The following SLC35F1 variants were observed in gnomAD, a reference collection of about 807,000 sequenced individuals.
SLC35F1 encodes the protein chromosome 6 open reading frame 169.
In SLC35F1, 14 loss-of-function variants were observed where a neutral mutation model predicts 48.7. The observed-to-expected ratio is 0.29, with a 90% CI of 0.19 to 0.45. SLC35F1 has a LOEUF of 0.45. Among genes scored for constraint, SLC35F1 ranks in the 20% least tolerant of loss-of-function variants. The probability of loss-of-function intolerance (pLI) is 1.00; values close to 1 mark genes in which losing one functional copy is unlikely to be tolerated. For synonymous variants in SLC35F1, 190 were observed against 202.2 expected (o/e 0.94, Z 0.51); for missense variants, 404 against 500.0 (o/e 0.81, Z 1.83).
chr6:117,924,447 CAT>C (rs1775994144), intron 1 of SLC35F1, among the ~76,000 whole-genome samples: 1 of 101,476 alleles, frequency 9.9e-6, no homozygotes, highest in African/African-American at 4.5e-5. Context: ...CATATATACA[CAT>C]ACCTATATGT....
intron 1 of SLC35F1, among the ~76,000 whole-genome samples, chr6:118,080,789 G>A (rs1772896403): frequency 6.6e-6 from 1 of 152,162 alleles, no homozygotes; most frequent in African/African-American, 2.4e-5. Context: ...GGGAAACAAG[G>A]AGTTATCCTG....
At chr6:117,955,651 A>G (rs1776418714) in intron 1 of SLC35F1, among the ~76,000 whole-genome samples, 2 of 152,226 alleles carry the variant, frequency 1.3e-5, no homozygotes, top group Non-Finnish European at 2.9e-5. Context: ...CAAGGTGAAG[A>G]AAATAAGTTA....
chr6:118,069,921 G>T (rs1423382268), intron 1 of SLC35F1, among the ~76,000 whole-genome samples: 2 of 151,514 alleles, frequency 1.3e-5, no homozygotes, highest in Non-Finnish European at 2.9e-5. Context: ...TGGATCATGA[G>T]GTCAGGAGAT....
At chr6:118,297,764 T>C (rs1302591568) in intron 7 of SLC35F1, among the ~76,000 whole-genome samples, 1 of 142,742 alleles carries the variant, frequency 7.0e-6, no homozygotes, top group Admixed American at 7.1e-5. Context: ...AATATATATA[T>C]AATATATATA....
chr6:118,066,974 G>A (rs550889418), intron 1 of SLC35F1, among the ~76,000 whole-genome samples: 16 of 152,174 alleles, frequency 1.1e-4, no homozygotes, highest in African/African-American at 3.6e-4. Flanking sequence ...AGCACCATAG[G>A]TACCATAGGT....
At chr6:117,946,328 T>G (rs949364044) in intron 1 of SLC35F1, among the ~76,000 whole-genome samples, 3 of 152,198 alleles carry the variant, frequency 2.0e-5, no homozygotes, top group African/African-American at 7.2e-5. Context: ...ATCTGCAAAT[T>G]GCCAATCAAA....
In SLC35F1 at chr6:118,275,513, G is replaced by T; in HGVS notation, c.692G>T (p.Gly231Val). 6.2e-7 allele frequency: 1 copy of T among 1,613,948 alleles called. No individual in the cohort carries two copies. Among genetic ancestry groups the T allele is most frequent in the Non-Finnish European group, 8.5e-7 (1 of 1,179,940 alleles). The stretch of plus-strand genomic sequence containing the variant: ...GTCTTAGGAGGAGCCACACTCTATG[G>T]TATTTCTAACGTCTGGGAAGAATAC... ...LLVLGGATLY[G>V]ISNVWEEYII... is the part of the protein sequence containing the mutation. Residue 231 changes from glycine to valine, a missense_variant, in exon 5 of 8, where the codon GGT (glycine) becomes GTT (valine). Around this residue, in one of 2 missense-constraint regions of SLC35F1, gnomAD observed 306 missense variants for 419.1 expected, o/e 0.73. Coordinates refer to ENST00000360388, the MANE Select transcript of SLC35F1 (RefSeq NM_001029858.4).
chr6:117,927,272 C>T (rs1288779483), intron 1 of SLC35F1, among the ~76,000 whole-genome samples: 8 of 152,186 alleles, frequency 5.3e-5, no homozygotes, highest in South Asian at 2.1e-4. Context: ...TCTTTCTGAG[C>T]TCCTTCATGG....
chr6:118,204,899 C>A (rs971712822), intron 2 of SLC35F1, among the ~76,000 whole-genome samples: 2 of 152,150 alleles, frequency 1.3e-5, no homozygotes, highest in African/African-American at 2.4e-5. Context: ...AAGCTCCTTG[C>A]GTGCCAAGAA....
At chr6:118,157,680 A>C (rs1774166998) in intron 2 of SLC35F1, among the ~76,000 whole-genome samples, 2 of 152,188 alleles carry the variant, frequency 1.3e-5, no homozygotes, top group Non-Finnish European at 2.9e-5. Flanking sequence ...GGCAGGGAGC[A>C]TCCAGCATGG....
At chr6:117,929,126 T>G (rs867798197) in intron 1 of SLC35F1, among the ~76,000 whole-genome samples, 1 of 152,074 alleles carries the variant, frequency 6.6e-6, no homozygotes, top group Non-Finnish European at 1.5e-5. Flanking sequence ...TTTGACCAAC[T>G]CTTCTTTCTT....
chr6:118,290,897 C>T lies in SLC35F1; in HGVS notation c.1002+5559C>T, dbSNP rs144964040. On this transcript the variant is annotated intron_variant, in intron 7 of 7. Coordinates refer to ENST00000360388, the MANE Select transcript of SLC35F1 (RefSeq NM_001029858.4). Reference sequence around the variant, plus strand: ...ACAACCTCCACCTACCAGGTTCAAGCGATTCTCCTGCCTCAGCCTCCTAAG... The same window carrying T: ...ACAACCTCCACCTACCAGGTTCAAGTGATTCTCCTGCCTCAGCCTCCTAAG... Among the ~76,000 whole-genome samples the T allele has an allele frequency of 1.5e-3, 227 of 151,748 alleles. 3 individuals carry two copies. Among genetic ancestry groups the T allele is most frequent in the African/African-American group, 5.0e-3 (207 of 41,334 alleles).
intron 3 of SLC35F1, 106 bp from the exon 4 acceptor site, chr6:118,266,889 G>T: frequency 7.9e-7 from 1 of 1,268,708 alleles, no homozygotes; most frequent in South Asian, 1.4e-5. Flanking sequence ...CTCAGGTTCA[G>T]GGGAAAGGCA....
rs183678518 is a variant in SLC35F1 at position 118,092,846 on chromosome 6, C to T, written c.174-61599C>T. Reference sequence around the variant, plus strand: ...CTCCCATTTGGAACAGGTGTATTTACGCAATCCCTGTGCCCCCATTGTATC... The same window carrying T: ...CTCCCATTTGGAACAGGTGTATTTATGCAATCCCTGTGCCCCCATTGTATC... On this transcript the variant is annotated intron_variant, in intron 1 of 7. Transcript: ENST00000360388. Among the ~76,000 whole-genome samples, 139 of 152,252 alleles carry T rather than the reference C, an allele frequency of 9.1e-4. 1 individual carries two copies. Among genetic ancestry groups the T allele is most frequent in the Non-Finnish European group, 1.3e-3 (86 of 68,026 alleles).
intron 2 of SLC35F1, among the ~76,000 whole-genome samples, chr6:118,206,481 T>A (rs960741274): frequency 6.6e-6 from 1 of 152,206 alleles, no homozygotes; most frequent in African/African-American, 2.4e-5. Context: ...AGGCAAAATT[T>A]TCAACATAAA....
intron 2 of SLC35F1, among the ~76,000 whole-genome samples, chr6:118,181,427 C>G (rs1337299727): frequency 6.6e-6 from 1 of 151,806 alleles, no homozygotes; most frequent in Non-Finnish European, 1.5e-5. Context: ...CTTAAGTAAC[C>G]ACTAAAAGAA....
intron 2 of SLC35F1, among the ~76,000 whole-genome samples, chr6:118,160,071 T>C (rs1273637664): frequency 6.6e-6 from 1 of 152,234 alleles, no homozygotes; most frequent in African/African-American, 2.4e-5. Context: ...GAAAACACTT[T>C]TAGCCTCTGT....
chr6:117,956,633 A>G (rs1776432129), intron 1 of SLC35F1, among the ~76,000 whole-genome samples: 1 of 152,226 alleles, frequency 6.6e-6, no homozygotes, highest in African/African-American at 2.4e-5. Context: ...CAACTCTGCC[A>G]TCTGATTCAG....
chr6:118,161,471 CA>C (rs748844202), intron 2 of SLC35F1, among the ~76,000 whole-genome samples: 1 of 152,166 alleles, frequency 6.6e-6, no homozygotes, highest in Non-Finnish European at 1.5e-5. Flanking sequence ...AAGCATTTGG[CA>C]AATGTAAATA....
Sources: allele counts gnomAD v4.1 joint callset (sites outside exome capture counted in the v4.1 genomes callset), GRCh38; gene constraint gnomAD v4.1.1; regional missense constraint gnomAD v4.1.1; transcripts MANE v1.5; gene names NCBI Gene and HGNC (gene_info 2026-07-23, HGNC 2026-07-21).